MYH11: variants seen among roughly 807,000 people sequenced by gnomAD.
MYH11 encodes the protein myosin-11.
MYH11 carries 80 observed loss-of-function variants against 246.6 expected under a neutral mutation model. That is an observed-to-expected ratio of 0.32 (90% CI 0.27 to 0.39). The LOEUF is 0.39. MYH11 is among the 10% of genes least tolerant of loss of function. The pLI, the probability that MYH11 is intolerant of heterozygous loss-of-function variation, is 1.00. For missense variants in MYH11, 2,158 were observed against 2,546.8 expected (o/e 0.85, Z 3.29); for synonymous variants, 1,071 against 1,015.5 (o/e 1.05, Z -1.04).
chr16:15,756,768 G>T (rs2041728716), intron 13 of MYH11, among the ~76,000 whole-genome samples: 2 of 151,556 alleles, frequency 1.3e-5, no homozygotes, highest in Non-Finnish European at 2.9e-5. Flanking sequence ...CAACACGCAG[G>T]CAACATCATG....
chr16:15,718,470 T>C, intron 36 of MYH11, 32 bp from the exon 37 acceptor site: 2 of 1,540,444 alleles, frequency 1.3e-6, no homozygotes, highest in African/African-American at 2.7e-5. Flanking sequence ...TGGGGGCCTC[T>C]ACCCTCCCCC....
chr16:15,763,741 T>TGGGGGGCCCCCCCCCCCCCCC, intron 10 of MYH11, 55 bp downstream of exon 10: 6 of 646,862 alleles, frequency 9.3e-6, no homozygotes, highest in Non-Finnish European at 1.2e-5. Flanking sequence ...AAATGTCACC[T>TGGGGGGCCCCCCCCCCCCCCC]CCCCCACCCC....
At chr16:15,745,375 G>A in intron 19 of MYH11, 138 bp from the exon 20 acceptor site, 1 of 629,694 alleles carries the variant, frequency 1.6e-6, no homozygotes. Flanking sequence ...GAAACCCTGT[G>A]TGACACATGT....
In MYH11 at chr16:15,832,943, C is replaced by CTTTTTTT. The variant is rs780380104; in HGVS notation, c.345+4958_345+4964dup. ...CACATCTGAGCTTCAGCAACCTCATCTTTTTTTTTTTTTTTTTTTTTTTTT... is the reference window on the plus strand; with the variant it reads ...CACATCTGAGCTTCAGCAACCTCATCTTTTTTTTTTTTTTTTTTTTTTTTTTTTTTTT... On this transcript the variant is annotated intron_variant, in intron 2 of 40. Coordinates refer to ENST00000300036, the MANE Select transcript of MYH11 (RefSeq NM_002474.3). Among the ~76,000 whole-genome samples, 22 of 55,440 alleles carry CTTTTTTT rather than the reference C, an allele frequency of 4.0e-4. 3 individuals carry two copies. Among genetic ancestry groups the CTTTTTTT allele is most frequent in the Non-Finnish European group, 6.7e-4 (21 of 31,468 alleles). The allele number at this position is 55,440 out of a possible 152,430, so 36.4% of individuals were successfully genotyped here. A position where few individuals can be genotyped will look rare whatever the true frequency, so the allele number is the denominator to read the frequency against.
intron 3 of MYH11, among the ~76,000 whole-genome samples, chr16:15,813,146 G>C (rs1378941711): frequency 6.6e-6 from 1 of 152,128 alleles, no homozygotes; most frequent in African/African-American, 2.4e-5. Context: ...CAGCCTGGGT[G>C]ACAGGGGTGA....
chr16:15,720,804 G>A (rs747952463), intron 33 of MYH11, 35 bp downstream of exon 33: 14 of 1,606,814 alleles, frequency 8.7e-6, no homozygotes, highest in East Asian at 6.7e-5. Flanking sequence ...AAGGCCACCC[G>A]ACCTCCCTCT....
Position 15,721,011 on chromosome 16 carries a change from T to A in MYH11, c.4619A>T (p.Gln1540Leu). 1 of 1,614,104 alleles carries A rather than the reference T, an allele frequency of 6.2e-7. No homozygotes were observed. ...CAGCTGCGTCTTCATCTCCTCCATCTGGGTCTCCAGGGCCCGCTTGGACTT... is the reference window on the plus strand; with the variant it reads ...CAGCTGCGTCTTCATCTCCTCCATCAGGGTCTCCAGGGCCCGCTTGGACTT... ...LEKSKRALET[Q>L]MEEMKTQLEE... Residue 1540 changes from glutamine (Q) to leucine (L), a missense_variant, in exon 33 of 41, where the codon CAG becomes CTG. Gln to Leu is a moderately radical substitution (Grantham distance 113). Transcript: ENST00000300036.
At chr16:15,708,168 C>A (rs998803362) in intron 40 of MYH11, among the ~76,000 whole-genome samples, 2 of 152,160 alleles carry the variant, frequency 1.3e-5, no homozygotes, top group Admixed American at 6.6e-5. Flanking sequence ...GCTGAAAATG[C>A]AGTTTGTAGC....
chr16:15,833,880 A>T (rs2043819725), intron 2 of MYH11, among the ~76,000 whole-genome samples: 1 of 152,128 alleles, frequency 6.6e-6, no homozygotes, highest in African/African-American at 2.4e-5. Context: ...CTTCTCCGTC[A>T]TGGACGACGG....
At chr16:15,828,053 G>A (rs1215590249) in intron 2 of MYH11, among the ~76,000 whole-genome samples, 1 of 152,188 alleles carries the variant, frequency 6.6e-6, no homozygotes, top group Non-Finnish European at 1.5e-5. Context: ...CCTTGACCTG[G>A]AGGCAGTAAA....
chr16:15,770,010 C>T (rs1013682880), intron 9 of MYH11, among the ~76,000 whole-genome samples: 3 of 152,074 alleles, frequency 2.0e-5, no homozygotes, highest in African/African-American at 4.8e-5. Flanking sequence ...CAGTGTAGTA[C>T]ATCAAGAAAA....
At chr16:15,795,337 C>T (rs1445295586) in intron 4 of MYH11, among the ~76,000 whole-genome samples, 1 of 151,940 alleles carries the variant, frequency 6.6e-6, no homozygotes, top group Non-Finnish European at 1.5e-5. Context: ...ATGGGCCAGG[C>T]TCAGCGGCTC....
intron 13 of MYH11, among the ~76,000 whole-genome samples, chr16:15,757,020 C>A (rs902329719): frequency 6.7e-6 from 1 of 150,024 alleles, no homozygotes; most frequent in Non-Finnish European, 1.5e-5. Context: ...GGATGGTCTC[C>A]ATCTCCTGAC....
intron 1 of MYH11, among the ~76,000 whole-genome samples, chr16:15,844,296 C>T (rs1479566608): frequency 1.3e-5 from 2 of 152,188 alleles, no homozygotes; most frequent in Non-Finnish European, 1.5e-5. Flanking sequence ...CTCCTAGGTT[C>T]AAGTGATTCT....
chr16:15,718,094 TG>T, intron 37 of MYH11: 1 of 696,966 alleles, frequency 1.4e-6, no homozygotes, highest in Non-Finnish European at 2.4e-6. Context: ...ACGCCGTGGC[TG>T]GAAAATGAGA....
At chr16:15,751,885 G>A (rs561361040) in intron 15 of MYH11, among the ~76,000 whole-genome samples, 5 of 151,686 alleles carry the variant, frequency 3.3e-5, no homozygotes, top group Admixed American at 2.0e-4. Context: ...TGCAACCTGC[G>A]CCTCCCAGGT....
intron 2 of MYH11, among the ~76,000 whole-genome samples, chr16:15,828,881 A>T (rs1596916535): frequency 6.6e-6 from 1 of 151,724 alleles, no homozygotes; most frequent in East Asian, 1.9e-4. Context: ...GAATAAAAGG[A>T]ATTTTTAAAA....
chr16:15,762,913 C>G (rs1467415542), intron 10 of MYH11, among the ~76,000 whole-genome samples: 1 of 152,162 alleles, frequency 6.6e-6, no homozygotes, highest in Admixed American at 6.5e-5. Context: ...AATATACAGC[C>G]TGGGCTGGGA....
chr16:15,822,293 G>A (rs1168534595), intron 3 of MYH11, among the ~76,000 whole-genome samples: 3 of 152,052 alleles, frequency 2.0e-5, no homozygotes, highest in South Asian at 2.1e-4. Context: ...TGTACTCTTC[G>A]CCTGACCTGG....
Sources: gnomAD v4.1 joint callset for allele counts (sites outside exome capture counted in the v4.1 genomes callset) on GRCh38, gnomAD v4.1.1 for gene constraint, MANE v1.5 for transcripts, NCBI Gene and HGNC (gene_info 2026-07-23, HGNC 2026-07-21) for gene names.